Variants in ARHGAP23 observed in about 807,000 individuals in gnomAD.
ARHGAP23 encodes rho GTPase-activating protein 23.
A neutral mutation model predicts 136.3 loss-of-function variants in ARHGAP23; 34 were observed. That is an observed-to-expected ratio of 0.25 (90% CI 0.19 to 0.33). The LOEUF is 0.33. ARHGAP23 is among the 10% of genes least tolerant of loss of function. The pLI, the probability that ARHGAP23 is intolerant of heterozygous loss-of-function variation, is 1.00. For synonymous variants in ARHGAP23, 832 were observed against 920.5 expected, an observed-to-expected ratio of 0.90 and a Z score of 1.74; for missense variants, 1,808 against 2,139.0, an observed-to-expected ratio of 0.85 and a Z score of 3.05.
chr17:38,453,641 G>T (rs1323724481), intron 1 of ARHGAP23: 1 of 151,052 alleles, frequency 6.6e-6, no homozygotes, highest in Non-Finnish European at 1.5e-5. Context: ...CCGCCCCGGA[G>T]GGGGAGGCGT....
At position 38,510,562 on chromosome 17, in the gene ARHGAP23, C is replaced by T. The variant is rs2040737704; in HGVS notation, c.4066C>T (p.Arg1356Trp). The T allele has an allele frequency of 4.1e-6, 5 of 1,227,956 alleles. 1 individual carries two copies. Among genetic ancestry groups the T allele is most frequent in the Middle Eastern group, 6.4e-4 (2 of 3,110 alleles). 76.1% of individuals were successfully genotyped at this position (1,227,956 alleles called of 1,614,324 possible). Residue 1356 changes from arginine to tryptophan, a missense_variant, in exon 24 of 24, where the codon CGG becomes TGG. Arg to Trp is a moderately radical substitution (Grantham distance 101). Around this residue, in one of 7 missense-constraint regions of ARHGAP23, gnomAD observed 506 missense variants for 455.8 expected, o/e 1.11. Coordinates refer to ENST00000622683, the MANE Select transcript of ARHGAP23 (RefSeq NM_001199417.2). The surrounding 1 kb of genome is among the most constrained non-coding windows in gnomAD (Gnocchi z 4.6). ...SASSSSQESL[R>W]PPAAALASRP... ...GTCGTCCAGCAGCCAGGAGTCGCTG[C>T]GGCCCCCGGCGGCGGCGCTGGCCTC...
At chr17:38,423,612 A>G (rs1472970783), upstream of ARHGAP23, among the ~76,000 whole-genome samples, 2 of 151,990 alleles carry the variant, frequency 1.3e-5, no homozygotes, top group Non-Finnish European at 1.5e-5. Flanking sequence ...ACCTCAAGTG[A>G]TCTGCCCTCC....
At chr17:38,422,900 A>G (rs935266690) in intron 1 of ARHGAP23, among the ~76,000 whole-genome samples, 2 of 152,044 alleles carry the variant, frequency 1.3e-5, no homozygotes, top group African/African-American at 4.8e-5. Flanking sequence ...GGTTCACTCT[A>G]TGGGATGTCT....
chr17:38,451,615 A>G (rs1238169391), intron 1 of ARHGAP23: 2 of 152,244 alleles, frequency 1.3e-5, no homozygotes, highest in African/African-American at 4.8e-5. Flanking sequence ...TAGGCACCTG[A>G]AAGGACTTAC....
chr17:38,495,385 A>C (rs1342033655), intron 20 of ARHGAP23, among the ~76,000 whole-genome samples: 1 of 151,912 alleles, frequency 6.6e-6, no homozygotes, highest in African/African-American at 2.4e-5. Context: ...GGTGCATGCC[A>C]CCATGCCGGG....
chr17:38,428,652 C>G (rs2038615317), intron 1 of ARHGAP23, 104 bp downstream of exon 1: 1 of 788,902 alleles, frequency 1.3e-6, no homozygotes, highest in Admixed American at 4.5e-5. Context: ...CAGCCTGGGG[C>G]GCACGGTGGG....
At position 38,477,470 on chromosome 17, in the gene ARHGAP23, G is replaced by A. The variant is rs2039921367; in HGVS notation, c.2119-109G>A. The stretch of plus-strand genomic sequence containing the variant: ...GGGTGGAGCAGGGGGCTCCTGGTAG[G>A]CAGCGTGGGGTCCATCCCCTGGCTG... On this transcript the variant is annotated intron_variant, in intron 11 of 23. Transcript: ENST00000622683. This position sits in a 1 kb window ranked among gnomAD's most constrained non-coding sequence, Gnocchi z 6.6. The A allele has an allele frequency of 2.9e-6, 3 of 1,040,652 alleles. No homozygotes were observed. The highest frequency in any genetic ancestry group is 3.5e-6 in the Non-Finnish European group (3 of 845,094). The allele number at this position is 1,040,652 out of a possible 1,614,324, so 64.5% of individuals were successfully genotyped here. A position where few individuals can be genotyped will look rare whatever the true frequency, so the allele number is the denominator to read the frequency against.
At chr17:38,460,858 G>A in intron 2 of ARHGAP23, 47 bp from the exon 3 acceptor site, 1 of 1,536,028 alleles carries the variant, frequency 6.5e-7, no homozygotes, top group South Asian at 1.2e-5. Flanking sequence ...ACCCCTGGCT[G>A]CTGAGGGCTG....
chr17:38,503,106 G>T (rs1307678973), intron 23 of ARHGAP23, among the ~76,000 whole-genome samples: 2 of 152,202 alleles, frequency 1.3e-5, no homozygotes, highest in Admixed American at 6.5e-5. Context: ...TTGCCAATGG[G>T]AATGATCCAG....
At chr17:38,434,509 C>A (rs954887659) in intron 1 of ARHGAP23, among the ~76,000 whole-genome samples, 1 of 152,138 alleles carries the variant, frequency 6.6e-6, no homozygotes, top group Non-Finnish European at 1.5e-5. Flanking sequence ...TGACTGAGAC[C>A]CAAGGGCCGA....
intron 1 of ARHGAP23, among the ~76,000 whole-genome samples, chr17:38,453,244 T>G (rs78720968): frequency 0.071 from 10,702 of 151,286 alleles, 647 homozygotes; most frequent in African/African-American, 0.16. Context: ...CCTGTGTGTG[T>G]GGGGGGGATA....
Position 38,469,865 on chromosome 17 carries a change from A to C in ARHGAP23, c.1935A>C (p.Ile645=). The change falls in exon 10 of 24, where the codon ATA becomes ATC. Residue 645 remains isoleucine (I), a synonymous_variant. Transcript: ENST00000622683. The part of the protein sequence containing the change: ...GRVLRRLPNR[I]PSLRMLRSFF... Reference sequence around the variant, plus strand: ...TTTCCAGGCGCCTGCCAAACCGCATACCCAGCCTGCGGATGCTCCGGAGCT... The same window carrying C: ...TTTCCAGGCGCCTGCCAAACCGCATCCCCAGCCTGCGGATGCTCCGGAGCT... The C allele has an allele frequency of 6.4e-7, 1 of 1,551,596 alleles. No homozygotes were observed.
At chr17:38,444,286 G>C (rs1434189055) in intron 1 of ARHGAP23, among the ~76,000 whole-genome samples, 1 of 152,080 alleles carries the variant, frequency 6.6e-6, no homozygotes, top group East Asian at 1.9e-4. Flanking sequence ...CCAGCAGGGG[G>C]CTCTGCTGGC....
intron 7 of ARHGAP23, among the ~76,000 whole-genome samples, chr17:38,468,513 C>A (rs757150315): frequency 6.6e-6 from 1 of 152,144 alleles, no homozygotes; most frequent in African/African-American, 2.4e-5. Context: ...GATGAGCTCA[C>A]CCTACCAGAC....
At chr17:38,420,922 AT>A (rs199615459) in intron 1 of ARHGAP23, among the ~76,000 whole-genome samples, 2,676 of 152,018 alleles carry the variant, frequency 0.018, 80 homozygotes, top group African/African-American at 0.061. Context: ...TTTCACCTGG[AT>A]TTTTTTTTAA....
chr17:38,464,463 C>T (rs748154917), intron 6 of ARHGAP23, among the ~76,000 whole-genome samples: 5 of 152,246 alleles, frequency 3.3e-5, no homozygotes, highest in Non-Finnish European at 7.3e-5. Context: ...GCTGTGCTGG[C>T]TTCTGCCTTG....
chr17:38,460,825 G>T (rs2039442272), intron 2 of ARHGAP23, 80 bp from the exon 3 acceptor site: 1 of 1,535,816 alleles, frequency 6.5e-7, no homozygotes, highest in South Asian at 1.2e-5. Context: ...ACCTGAAGGG[G>T]CCCTGCCCAC....
intron 1 of ARHGAP23, among the ~76,000 whole-genome samples, chr17:38,431,143 G>A (rs892141355): frequency 9.2e-5 from 14 of 152,198 alleles, no homozygotes; most frequent in Non-Finnish European, 1.6e-4. Context: ...GCTATGTCCC[G>A]CTGTCACTCC....
chr17:38,428,350 G>C (rs1194913952), upstream of ARHGAP23: 4 of 297,520 alleles, frequency 1.3e-5, no homozygotes, highest in Non-Finnish European at 1.8e-5. Flanking sequence ...GTGGTGGGAA[G>C]GGGGAGGGGC....
Sources: allele counts gnomAD v4.1 joint callset (sites outside exome capture counted in the v4.1 genomes callset), GRCh38; gene constraint gnomAD v4.1.1; regional missense constraint gnomAD v4.1.1; non-coding constraint Gnocchi (gnomAD v3.1); transcripts MANE v1.5; gene names NCBI Gene and HGNC (gene_info 2026-07-23, HGNC 2026-07-21).